Variants in KLHL5 observed in about 807,000 individuals in gnomAD.
KLHL5 encodes the protein kelch like family member 5.
In KLHL5, 48 loss-of-function variants were observed where a neutral mutation model predicts 77.7. The observed-to-expected ratio is 0.62, with a 90% CI of 0.49 to 0.79. The LOEUF is 0.79. KLHL5 is among the 30% of genes least tolerant of loss of function. The pLI, the probability that KLHL5 is intolerant of heterozygous loss-of-function variation, is 0.00. For missense variants in KLHL5, 723 were observed against 859.7 expected (o/e 0.84, Z 1.99); for synonymous variants, 260 against 297.0 (o/e 0.88, Z 1.28).
chr4:39,088,746 G>A (rs937696706), intron 5 of KLHL5, among the ~76,000 whole-genome samples: 2 of 152,194 alleles, frequency 1.3e-5, no homozygotes, highest in Non-Finnish European at 2.9e-5. Context: ...TTCTTACAGT[G>A]TTATTTGATC....
intron 1 of KLHL5, among the ~76,000 whole-genome samples, chr4:39,048,385 C>G (rs1354438568): frequency 1.3e-5 from 2 of 152,226 alleles, no homozygotes; most frequent in East Asian, 3.8e-4. Context: ...CTGTTCATTG[C>G]TTCACTCCAT....
upstream of KLHL5, among the ~76,000 whole-genome samples, chr4:39,058,734 ATTG>A (rs796610279): frequency 1.2e-4 from 19 of 152,196 alleles, no homozygotes; most frequent in African/African-American, 4.1e-4. Context: ...TGCTCTTATA[ATTG>A]TTGGATTTTA....
chr4:39,120,355 C>T (rs1723127402), intron 10 of KLHL5: 1 of 152,202 alleles, frequency 6.6e-6, no homozygotes, highest in African/African-American at 2.4e-5. Flanking sequence ...TGCATTCCTT[C>T]CCCTAGCAAC....
the KLHL5 span, among the ~76,000 whole-genome samples, chr4:39,142,207 T>C: frequency 1.3e-5 from 2 of 152,128 alleles, no homozygotes; most frequent in Non-Finnish European, 1.5e-5. Context: ...ATAATTGTAT[T>C]TCCCTTTTCT....
At position 39,080,370 on chromosome 4, in the gene KLHL5, T is replaced by TA. The variant is rs1429231675; in HGVS notation, c.567-726dup. On this transcript the variant is annotated intron_variant, in intron 2 of 10. Transcript: ENST00000504108. ...GGCGAAACTCCATCTCTACTAAAAATAAAAAAATTAGCTGGACATGGTAGT... is the reference window on the plus strand; with the variant it reads ...GGCGAAACTCCATCTCTACTAAAAATAAAAAAAATTAGCTGGACATGGTAGT... Among the ~76,000 whole-genome samples the TA allele has an allele frequency of 3.6e-4, 55 of 151,582 alleles. 1 individual carries two copies. The highest frequency in any genetic ancestry group is 1.3e-3 in the African/African-American group (52 of 41,302).
At chr4:39,100,011 T>A (rs1721404890) in intron 6 of KLHL5, among the ~76,000 whole-genome samples, 1 of 152,222 alleles carries the variant, frequency 6.6e-6, no homozygotes, top group Non-Finnish European at 1.5e-5. Context: ...CTTTAACTGT[T>A]ATCTCTATAT....
At chr4:39,141,854 A>C in the KLHL5 span, among the ~76,000 whole-genome samples, 1 of 152,220 alleles carries the variant, frequency 6.6e-6, no homozygotes, top group African/African-American at 2.4e-5. Flanking sequence ...GACTATGTGA[A>C]GGTGTTGTGC....
the KLHL5 span, among the ~76,000 whole-genome samples, chr4:39,141,409 C>T: frequency 3.3e-5 from 5 of 150,030 alleles, no homozygotes; most frequent in East Asian, 4.0e-4. Flanking sequence ...GCCGGGTTCA[C>T]GCCATTCTCC....
chr4:39,134,056 G>C, the KLHL5 span: 14 of 151,978 alleles, frequency 9.2e-5, no homozygotes, highest in Non-Finnish European at 1.9e-4. Flanking sequence ...GTAAGCCAAG[G>C]TAAAGCTTCC....
At chr4:39,075,440 A>C (rs768129189) in intron 1 of KLHL5, among the ~76,000 whole-genome samples, 1 of 152,232 alleles carries the variant, frequency 6.6e-6, no homozygotes, top group Non-Finnish European at 1.5e-5. Context: ...AAATTCCTTT[A>C]ACCTGTAATA....
intron 2 of KLHL5, among the ~76,000 whole-genome samples, chr4:39,080,475 G>T (rs528655417): frequency 6.6e-6 from 1 of 151,300 alleles, no homozygotes; most frequent in Non-Finnish European, 1.5e-5. Context: ...GCAGTGAGCC[G>T]AGATCATAGC....
Position 39,062,796 on chromosome 4 carries a change from C to T in KLHL5, c.144C>T (p.Asn48=), listed in dbSNP as rs753722892. 6.8e-6 allele frequency: 11 copies of T among 1,614,102 alleles called. No individual in the cohort carries two copies. Among genetic ancestry groups the T allele is most frequent in the Middle Eastern group, 3.3e-4 (2 of 6,058 alleles). The change falls in exon 1 of 11, where the codon AAC becomes AAT. Residue 48 remains asparagine, a synonymous_variant. Transcript: ENST00000504108. The part of the protein sequence containing the change: ...EFWNRGQTGA[N]GGRKFLDPCS... ...GGAACCGAGGACAGACTGGAGCAAA[C>T]GGTGGGAGAAAGTTTTTAGATCCAT...
intron 6 of KLHL5, among the ~76,000 whole-genome samples, chr4:39,097,204 A>G (rs1721143911): frequency 6.6e-6 from 1 of 152,220 alleles, no homozygotes; most frequent in Non-Finnish European, 1.5e-5. Context: ...CTATACAAAT[A>G]AACAAGGGAG....
chr4:39,058,238 A>G (rs1717133453), upstream of KLHL5, among the ~76,000 whole-genome samples: 1 of 152,194 alleles, frequency 6.6e-6, no homozygotes, highest in Admixed American at 6.5e-5. Flanking sequence ...CTGTTTAGCC[A>G]TTGGATTTCA....
intron 10 of KLHL5, among the ~76,000 whole-genome samples, chr4:39,119,756 T>C (rs181150806): frequency 3.0e-4 from 46 of 152,364 alleles, no homozygotes; most frequent in Middle Eastern, 3.4e-3. Flanking sequence ...ACAAATTCTC[T>C]AAGCTACACT....
the KLHL5 span, among the ~76,000 whole-genome samples, chr4:39,136,104 CATAG>C: frequency 1.3e-5 from 2 of 151,060 alleles, no homozygotes; most frequent in Admixed American, 6.6e-5. Flanking sequence ...CTACTCAAAA[CATAG>C]ATAGTACTTA....
rs879362229 is a variant in KLHL5, at chr4:39,081,669, C to CAA, written c.704-280_704-279dup. 8.8e-6 allele frequency among the ~76,000 whole-genome samples: 1 copy of CAA among 114,274 alleles called. No homozygotes were observed. Among genetic ancestry groups the CAA allele is most frequent in the African/African-American group, 3.2e-5 (1 of 30,826 alleles). 75.0% of individuals were successfully genotyped at this position (114,274 alleles called of 152,430 possible). A position where few individuals can be genotyped will look rare whatever the true frequency, so the allele number is the denominator to read the frequency against. On this transcript the variant is annotated intron_variant, in intron 3 of 10. Transcript: ENST00000504108. This position sits in a 1 kb window ranked among gnomAD's most constrained non-coding sequence, Gnocchi z 4.3. ...TGGGCAATAGAACAAGACCGTGTCT[C>CAA]AAAAAAAAAAAAAAATTGAGAGTTA... is the stretch of plus-strand genomic sequence containing the variant.
intron 8 of KLHL5, among the ~76,000 whole-genome samples, chr4:39,108,368 G>C (rs1218470794): frequency 6.6e-6 from 1 of 151,708 alleles, no homozygotes; most frequent in Non-Finnish European, 1.5e-5. Context: ...TTATTTGTGG[G>C]GTACCTTTTG....
At chr4:39,129,176 AC>A (rs1299125350), downstream of KLHL5, among the ~76,000 whole-genome samples, 221 of 140,900 alleles carry the variant, frequency 1.6e-3, 1 homozygote, top group South Asian at 3.4e-3. The surrounding 1 kb of genome is among the most constrained non-coding windows in gnomAD (Gnocchi z 4.2). Context: ...AAAAAAAAAA[AC>A]AATTACAACT....
Sources: gnomAD v4.1 joint callset for allele counts (sites outside exome capture counted in the v4.1 genomes callset) on GRCh38, gnomAD v4.1.1 for gene constraint, Gnocchi (gnomAD v3.1) non-coding constraint, MANE v1.5 for transcripts, NCBI Gene and HGNC (gene_info 2026-07-23, HGNC 2026-07-21) for gene names.